The following RANBP2 variants were observed in gnomAD, a reference collection of about 807,000 sequenced individuals.
The protein encoded by RANBP2 is E3 SUMO-protein ligase RanBP2.
A neutral mutation model predicts 303.6 loss-of-function variants in RANBP2; 57 were observed. The observed-to-expected ratio is 0.19, with a 90% CI of 0.15 to 0.23. The LOEUF is 0.23. RANBP2 is among the 10% of genes least tolerant of loss of function. The pLI, the probability that RANBP2 is intolerant of heterozygous loss-of-function variation, is 1.00. For synonymous variants in RANBP2, 1,167 were observed against 1,301.5 expected (o/e 0.90, Z 2.23); for missense variants, 3,138 against 3,780.8 (o/e 0.83, Z 4.46).
chr2:109,505,232 G>A, the RANBP2 span, among the ~76,000 whole-genome samples: 1 of 152,178 alleles, frequency 6.6e-6, no homozygotes, highest in Non-Finnish European at 1.5e-5. Context: ...CTGACACCTG[G>A]CAGAGGGCTG....
the RANBP2 span, among the ~76,000 whole-genome samples, chr2:109,603,694 G>A: frequency 1.3e-5 from 2 of 152,040 alleles, no homozygotes; most frequent in African/African-American, 2.4e-5. Flanking sequence ...AGACACTCAG[G>A]GTATAATGAA....
At chr2:109,199,607 TGGAA>T in the RANBP2 span, among the ~76,000 whole-genome samples, 2 of 276 alleles carry the variant, frequency 7.2e-3, 1 homozygote, top group African/African-American at 0.023. Flanking sequence ...TGGAATGGAA[TGGAA>T]TGGAATGGAA....
chr2:109,372,236 A>C, the RANBP2 span, among the ~76,000 whole-genome samples: 1 of 152,242 alleles, frequency 6.6e-6, no homozygotes, highest in Non-Finnish European at 1.5e-5. Context: ...CCTTTTCTGT[A>C]ACTAAAGCAC....
the RANBP2 span, among the ~76,000 whole-genome samples, chr2:109,561,907 G>A: frequency 6.6e-6 from 1 of 151,948 alleles, no homozygotes; most frequent in Non-Finnish European, 1.5e-5. Flanking sequence ...ATCACTTCAG[G>A]AGCCCAAGGC....
chr2:108,757,816 T>C (rs981235708), intron 17 of RANBP2, among the ~76,000 whole-genome samples: 1 of 152,132 alleles, frequency 6.6e-6, no homozygotes, highest in African/African-American at 2.4e-5. Context: ...AAGGTTAATG[T>C]AGGCAAGTGT....
chr2:108,918,010 T>C, the RANBP2 span, among the ~76,000 whole-genome samples: 6 of 152,132 alleles, frequency 3.9e-5, no homozygotes, highest in South Asian at 8.3e-4. Context: ...CATACAAGTA[T>C]GCATTTTTAT....
the RANBP2 span, among the ~76,000 whole-genome samples, chr2:109,234,835 A>G: frequency 6.6e-6 from 1 of 152,222 alleles, no homozygotes; most frequent in Non-Finnish European, 1.5e-5. Flanking sequence ...TGAGAAAAAG[A>G]GAGATGGAAT....
chr2:109,131,620 C>T, the RANBP2 span, among the ~76,000 whole-genome samples: 3 of 152,132 alleles, frequency 2.0e-5, no homozygotes, highest in African/African-American at 7.2e-5. Flanking sequence ...AGGAGGTAAC[C>T]TCTGACATGT....
At chr2:109,416,744 A>G in the RANBP2 span, among the ~76,000 whole-genome samples, 1 of 151,788 alleles carries the variant, frequency 6.6e-6, no homozygotes, top group South Asian at 2.1e-4. Context: ...CAACAACAAC[A>G]ACGAACAAAA....
chr2:109,129,803 C>T, the RANBP2 span: 1 of 1,538,654 alleles, frequency 6.5e-7, no homozygotes, highest in Non-Finnish European at 8.7e-7. Flanking sequence ...ATCGTGTGCT[C>T]GCGCCACGAG....
At chr2:109,117,769 C>T in the RANBP2 span, among the ~76,000 whole-genome samples, 1 of 134,270 alleles carries the variant, frequency 7.4e-6, no homozygotes, top group African/African-American at 3.0e-5. Flanking sequence ...TCCTATTCGG[C>T]CATCTTGGCT....
the RANBP2 span, among the ~76,000 whole-genome samples, chr2:109,472,066 T>C: frequency 3.3e-5 from 5 of 152,258 alleles, no homozygotes; most frequent in Non-Finnish European, 5.9e-5. Context: ...TCTCAGCTTC[T>C]TTCAAATTCC....
intron 15 of RANBP2, among the ~76,000 whole-genome samples, chr2:108,754,624 TAGAA>T (rs1676154663): frequency 6.6e-6 from 1 of 151,516 alleles, no homozygotes. Context: ...ACAGAAGTAA[TAGAA>T]AGAGCATGGA....
At chr2:109,054,311 G>A in the RANBP2 span, among the ~76,000 whole-genome samples, 279 of 152,274 alleles carry the variant, frequency 1.8e-3, no homozygotes, top group South Asian at 0.01. Context: ...TCTCCCCAGG[G>A]CATCCTGGGC....
the RANBP2 span, among the ~76,000 whole-genome samples, chr2:109,188,459 G>A: frequency 0.86 from 131,139 of 152,236 alleles, 56,631 homozygotes; most frequent in African/African-American, 0.92. Flanking sequence ...TGAAGCATGC[G>A]CATTGTTTCC....
chr2:108,818,893 A>G, the RANBP2 span, among the ~76,000 whole-genome samples: 1 of 152,122 alleles, frequency 6.6e-6, no homozygotes, highest in African/African-American at 2.4e-5. Flanking sequence ...AAACACCTAA[A>G]GCCATTGAGG....
chr2:108,809,699 A>G, the RANBP2 span, among the ~76,000 whole-genome samples: 1 of 152,150 alleles, frequency 6.6e-6, no homozygotes, highest in Non-Finnish European at 1.5e-5. Flanking sequence ...AACTTTACCA[A>G]ATTTATCAGT....
chr2:108,775,742 C>G lies in RANBP2; in HGVS notation c.8303C>G (p.Thr2768Arg). Residue 2768 changes from threonine to arginine, a missense_variant, in exon 24 of 29, where the codon ACA becomes AGA. Physicochemically the swap from Thr to Arg is moderately conservative, Grantham distance 71 (BLOSUM62 -1). Around this residue, in one of 20 missense-constraint regions of RANBP2, gnomAD observed 497 missense variants for 465.8 expected, o/e 1.07. Transcript: ENST00000283195. ...QKVQEAQKSQTEEITSTTDSV... is the reference protein window; with the variant it reads ...QKVQEAQKSQREEITSTTDSV... ...ACTTCCTCTTTGCAGAAATCTCAGA[C>G]AGAAGAAATAACTAGCACAACTGAC... The G allele has an allele frequency of 6.2e-7, 1 of 1,613,692 alleles. No individual in the cohort carries two copies. Among genetic ancestry groups the G allele is most frequent in the South Asian group, 1.1e-5 (1 of 91,078 alleles).
the RANBP2 span, among the ~76,000 whole-genome samples, chr2:109,147,252 C>T: frequency 5.9e-5 from 9 of 152,066 alleles, no homozygotes; most frequent in Non-Finnish European, 1.2e-4. Flanking sequence ...GAGGTTTGCT[C>T]GAAAGATGTA....
Sources: allele counts gnomAD v4.1 joint callset (sites outside exome capture counted in the v4.1 genomes callset), GRCh38; gene constraint gnomAD v4.1.1; regional missense constraint gnomAD v4.1.1; transcripts MANE v1.5; gene names NCBI Gene and HGNC (gene_info 2026-07-23, HGNC 2026-07-21).